The following MPZL1 variants were observed in gnomAD, a reference collection of about 807,000 sequenced individuals.
The protein encoded by MPZL1 is myelin protein zero like 1, also known as myelin protein zero-like protein 1.
In MPZL1, 16 loss-of-function variants were observed where a neutral mutation model predicts 29.3. The observed-to-expected ratio is 0.55, with a 90% CI of 0.37 to 0.83. MPZL1 has a LOEUF of 0.83. Ranked by LOEUF, MPZL1 falls within the 40% of genes least tolerant of loss-of-function variation. The probability of loss-of-function intolerance (pLI) is 0.00; values close to 1 mark genes in which losing one functional copy is unlikely to be tolerated. For synonymous variants in MPZL1, 143 were observed against 132.0 expected (o/e 1.08, Z -0.57); for missense variants, 279 against 332.9 (o/e 0.84, Z 1.26).
intron 1 of MPZL1, among the ~76,000 whole-genome samples, chr1:167,727,886 T>TTTTTTTA (rs1660182018): frequency 1.3e-5 from 2 of 150,676 alleles, no homozygotes; most frequent in African/African-American, 4.9e-5. Context: ...TTTTTTTTTT[T>TTTTTTTA]GAGACAGAGT....
intron 5 of MPZL1, among the ~76,000 whole-genome samples, chr1:167,784,790 A>G (rs1044130962): frequency 2.6e-5 from 4 of 152,214 alleles, no homozygotes; most frequent in African/African-American, 9.6e-5. Flanking sequence ...TTAAGACCTT[A>G]TTATATTCTA....
At chr1:167,777,148 C>T (rs1384468348) in intron 5 of MPZL1, among the ~76,000 whole-genome samples, 1 of 152,158 alleles carries the variant, frequency 6.6e-6, no homozygotes, top group African/African-American at 2.4e-5. Context: ...TAATATATGT[C>T]AGATACCTCA....
chr1:167,787,758 C>A, intron 5 of MPZL1, 62 bp from the exon 6 acceptor site: 1 of 1,223,882 alleles, frequency 8.2e-7, no homozygotes, highest in Non-Finnish European at 1.2e-6. Flanking sequence ...TGCTTCTATG[C>A]CTGTAGCTGA....
Position 167,789,873 on chromosome 1 carries a change from T to A in MPZL1, c.*1952T>A, listed in dbSNP as rs1006854352. ...ACTCTGCCTTGCATCCTAAAACTTT[T>A]TGGGCATCTATTTTGAAAACTATAG... On this transcript the variant is annotated 3_prime_UTR_variant, in exon 6 of 6. Transcript: ENST00000359523. 8.5e-5 allele frequency: 13 copies of A among 152,250 alleles called. No homozygotes were observed. Among genetic ancestry groups the A allele is most frequent in the Non-Finnish European group, 1.8e-4 (12 of 68,050 alleles). The allele number at this position is 152,250 out of a possible 1,614,324, so 9.4% of individuals were successfully genotyped here. A position where few individuals can be genotyped will look rare whatever the true frequency, so the allele number is the denominator to read the frequency against.
chr1:167,767,803 T>C (rs1661149216), intron 2 of MPZL1, among the ~76,000 whole-genome samples: 1 of 150,192 alleles, frequency 6.7e-6, no homozygotes, highest in South Asian at 2.1e-4. Flanking sequence ...TTTTTTTTTT[T>C]TTTTTTTTTT....
At chr1:167,770,973 C>T (rs1329195990) in intron 2 of MPZL1, among the ~76,000 whole-genome samples, 1 of 149,624 alleles carries the variant, frequency 6.7e-6, no homozygotes, top group Non-Finnish European at 1.5e-5. Flanking sequence ...GATTCCATAA[C>T]TTGTGATTTG....
chr1:167,738,245 C>G (rs1345058430), intron 1 of MPZL1, among the ~76,000 whole-genome samples: 1 of 151,942 alleles, frequency 6.6e-6, no homozygotes, highest in Non-Finnish European at 1.5e-5. Context: ...TTTTAAAATT[C>G]ATTACCTTTT....
In MPZL1 at chr1:167,722,086, C is replaced by T. The variant is rs1660039779; in HGVS notation, c.-66C>T. 1 of 1,231,338 alleles carries T rather than the reference C, an allele frequency of 8.1e-7. No homozygotes were observed. Among genetic ancestry groups the T allele is most frequent in the Non-Finnish European group, 1.0e-6 (1 of 987,230 alleles). 76.3% of individuals were successfully genotyped at this position (1,231,338 alleles called of 1,614,324 possible). On this transcript the variant is annotated 5_prime_UTR_variant, in exon 1 of 6. Coordinates refer to ENST00000359523, the MANE Select transcript of MPZL1 (RefSeq NM_003953.6). ...TCAGAAGCCTCTTCCCCAAGCCGAGCCAACCTCAGCGGGGACCCGGGCTCA... is the reference window on the plus strand; with the variant it reads ...TCAGAAGCCTCTTCCCCAAGCCGAGTCAACCTCAGCGGGGACCCGGGCTCA...
In MPZL1 at chr1:167,788,441, A is replaced by G. The variant is rs1313349316; in HGVS notation, c.*520A>G. 2.6e-5 allele frequency: 4 copies of G among 152,646 alleles called. No individual in the cohort carries two copies. The highest frequency in any genetic ancestry group is 4.4e-5 in the Non-Finnish European group (3 of 68,160). 9.5% of individuals were successfully genotyped at this position (152,646 alleles called of 1,614,324 possible). ...TATTTGTCTGCCGCTTTTAAAAAAT[A>G]CCCATTGGCTATGCCACTTGAAAAC... On this transcript the variant is annotated 3_prime_UTR_variant, in exon 6 of 6. Transcript: ENST00000359523.
intron 1 of MPZL1, among the ~76,000 whole-genome samples, chr1:167,754,123 A>C (rs1191261936): frequency 6.6e-6 from 1 of 151,846 alleles, no homozygotes; most frequent in South Asian, 2.1e-4. Context: ...TCAGCCTCCC[A>C]AGTAGCTGAG....
At chr1:167,727,872 CTTTT>C (rs748327482) in intron 1 of MPZL1, among the ~76,000 whole-genome samples, 1 of 137,746 alleles carries the variant, frequency 7.3e-6, no homozygotes. Flanking sequence ...CTTTCTTTTC[CTTTT>C]TTTTTTTTTT....
intron 1 of MPZL1, among the ~76,000 whole-genome samples, chr1:167,764,900 C>G (rs1410455831): frequency 4.6e-5 from 7 of 152,152 alleles, no homozygotes; most frequent in Non-Finnish European, 8.8e-5. Context: ...AGGCTACATG[C>G]TGTATAATTT....
intron 1 of MPZL1, among the ~76,000 whole-genome samples, chr1:167,732,095 T>G (rs890529158): frequency 2.0e-5 from 3 of 152,220 alleles, no homozygotes; most frequent in Non-Finnish European, 4.4e-5. Flanking sequence ...TGCCCTGTAC[T>G]CTCTAGGGAC....
At chr1:167,762,051 C>T (rs940626214) in intron 1 of MPZL1, among the ~76,000 whole-genome samples, 6 of 152,118 alleles carry the variant, frequency 3.9e-5, no homozygotes, top group African/African-American at 7.2e-5. Flanking sequence ...CCTGAAACTA[C>T]GATTCTGGAG....
At chr1:167,755,687 G>A (rs1250126522) in intron 1 of MPZL1, among the ~76,000 whole-genome samples, 2 of 152,202 alleles carry the variant, frequency 1.3e-5, no homozygotes, top group African/African-American at 4.8e-5. Context: ...CCTGCTTCAT[G>A]TTTTGAGCCT....
intron 1 of MPZL1, among the ~76,000 whole-genome samples, chr1:167,729,986 C>T: frequency 6.6e-6 from 1 of 152,170 alleles, no homozygotes; most frequent in East Asian, 1.9e-4. Flanking sequence ...AACCACCCTG[C>T]TGTATTATAG....
chr1:167,745,813 A>G (rs1351504698), intron 1 of MPZL1, among the ~76,000 whole-genome samples: 2 of 152,038 alleles, frequency 1.3e-5, no homozygotes, highest in Non-Finnish European at 2.9e-5. Flanking sequence ...AATTATTGAG[A>G]TGTGTTATAG....
intron 1 of MPZL1, among the ~76,000 whole-genome samples, chr1:167,732,866 C>T (rs1660299310): frequency 6.6e-6 from 1 of 152,170 alleles, no homozygotes; most frequent in South Asian, 2.1e-4. Flanking sequence ...CCTTGGCCTC[C>T]CAAAGTCATT....
In MPZL1 at chr1:167,789,707, T is replaced by C. The variant is rs1276283299; in HGVS notation, c.*1786T>C. The C allele has an allele frequency of 6.6e-6, 1 of 152,170 alleles. No individual in the cohort carries two copies. The highest frequency in any genetic ancestry group is 2.4e-5 in the African/African-American group (1 of 41,424). The allele number at this position is 152,170 out of a possible 1,614,324, so 9.4% of individuals were successfully genotyped here. A position where few individuals can be genotyped will look rare whatever the true frequency, so the allele number is the denominator to read the frequency against. On this transcript the variant is annotated 3_prime_UTR_variant, in exon 6 of 6. Transcript: ENST00000359523. ...GGATCAGGTTTGGTCACCACACATG[T>C]CTGAAGCTGGGCAGCGTCTGCTCTG...
Sources: gnomAD v4.1 joint callset for allele counts (sites outside exome capture counted in the v4.1 genomes callset) on GRCh38, gnomAD v4.1.1 for gene constraint, MANE v1.5 for transcripts, NCBI Gene and HGNC (gene_info 2026-07-23, HGNC 2026-07-21) for gene names.